SRCAP: variants seen among roughly 807,000 people sequenced by gnomAD.
SRCAP encodes the protein Snf2 related CREBBP activator protein.
Under a neutral mutation model 263.1 loss-of-function variants are expected in SRCAP, and 46 were observed. The observed-to-expected ratio is 0.17, with a 90% CI of 0.14 to 0.22. The LOEUF (loss-of-function observed/expected upper bound fraction) is 0.22, where lower values mean the gene tolerates loss of function less well. Among genes scored for constraint, SRCAP ranks in the 10% least tolerant of loss-of-function variants. The pLI is 1.00. For missense variants in SRCAP, 3,695 were observed against 4,181.9 expected (o/e 0.88, Z 3.21); for synonymous variants, 1,813 against 1,662.1 (o/e 1.09, Z -2.21).
At position 30,733,915 on chromosome 16, in the gene SRCAP, G is replaced by A. The variant is rs1382655101; in HGVS notation, c.6516G>A (p.Val2172=). 6.2e-7 allele frequency: 1 copy of A among 1,614,150 alleles called. No individual in the cohort carries two copies. The highest frequency in any genetic ancestry group is 1.7e-5 in the Admixed American group (1 of 60,020). The change falls in exon 30 of 34, where the codon GTG becomes GTA. Residue 2172 remains valine (V), a synonymous_variant. Transcript: ENST00000262518. The surrounding 1 kb of genome is among the most constrained non-coding windows in gnomAD (Gnocchi z 5.3). ...CTAGGCTTATCAGTGAACGGACAGT[G>A]GAGGAGAACATCCTAAAAAAGGCAA... ...HIYRLISERT[V]EENILKKANQ...
intron 18 of SRCAP, among the ~76,000 whole-genome samples, chr16:30,717,243 A>G (rs2052959861): frequency 6.6e-6 from 1 of 152,052 alleles, no homozygotes; most frequent in African/African-American, 2.4e-5. Flanking sequence ...CTCATTGGCC[A>G]CTTGTCTATA....
At position 30,724,600 on chromosome 16, in the gene SRCAP, C is replaced by G; in HGVS notation, c.5176C>G (p.Pro1726Ala). The G allele has an allele frequency of 6.2e-7, 1 of 1,614,184 alleles. No individual in the cohort carries two copies. Among genetic ancestry groups the G allele is most frequent in the Non-Finnish European group, 8.5e-7 (1 of 1,180,038 alleles). Residue 1726 changes from proline to alanine, a missense_variant, in exon 25 of 34, where the codon CCA (proline) becomes GCA (alanine). Transcript: ENST00000262518. ...ATTAACTCCAGCATCATCCCTGGTA[C>G]CAACTCCAGCCCAGACACTGTCTTT... The part of the protein sequence containing the change: ...LSLTPASSLV[P>A]TPAQTLSLAP...
intron 5 of SRCAP, 89 bp downstream of exon 5, chr16:30,707,457 G>T: frequency 6.2e-7 from 1 of 1,602,018 alleles, no homozygotes; most frequent in Non-Finnish European, 8.5e-7. Context: ...GAATGGTGTA[G>T]GCATTAAGAG....
intron 3 of SRCAP, among the ~76,000 whole-genome samples, chr16:30,702,877 C>T (rs1392169482): frequency 2.6e-5 from 4 of 151,772 alleles, no homozygotes; most frequent in African/African-American, 9.7e-5. Flanking sequence ...GTCCACCGAG[C>T]CCAGCTTCCA....
chr16:30,723,870 T>C lies in SRCAP; in HGVS notation c.4446T>C (p.Pro1482=). 1.2e-6 allele frequency: 2 copies of C among 1,614,132 alleles called. No homozygotes were observed. The highest frequency in any genetic ancestry group is 8.5e-7 in the Non-Finnish European group (1 of 1,180,016). The part of the protein sequence containing the change: ...LLTSVTPPLA[P]VVPAAPGPPS... ...CCAGTGTGACTCCACCATTGGCACC[T>C]GTTGTCCCAGCGGCTCCTGGACCTC... Residue 1482 remains proline (P), a synonymous_variant, in exon 25 of 34, where the codon CCT becomes CCC. Coordinates refer to ENST00000262518, the MANE Select transcript of SRCAP (RefSeq NM_006662.3).
intron 21 of SRCAP, among the ~76,000 whole-genome samples, 165 bp from the exon 22 acceptor site, chr16:30,721,957 T>C (rs2053015774): frequency 6.6e-6 from 1 of 152,118 alleles, no homozygotes; most frequent in Non-Finnish European, 1.5e-5. Context: ...CATGAAAAGC[T>C]CAAAGGCTGT....
rs1256266768 is a variant in SRCAP, at chr16:30,739,829, A to T, written c.*96A>T. Reference sequence around the variant, plus strand: ...CACTACTTGAAGTCTTGAGGGGGAAAGCCTCCAGGGAGACATAGGGGCCTT... The same window carrying T: ...CACTACTTGAAGTCTTGAGGGGGAATGCCTCCAGGGAGACATAGGGGCCTT... On this transcript the variant is annotated 3_prime_UTR_variant, in exon 34 of 34. Transcript: ENST00000262518. 7.1e-7 allele frequency: 1 copy of T among 1,418,158 alleles called. No homozygotes were observed. The highest frequency in any genetic ancestry group is 2.6e-5 in the East Asian group (1 of 37,858). The allele number at this position is 1,418,158 out of a possible 1,614,324, so 87.8% of individuals were successfully genotyped here.
At position 30,737,532 on chromosome 16, in the gene SRCAP, G is replaced by T. The variant is rs896385044; in HGVS notation, c.7492G>T (p.Ala2498Ser). The T allele has an allele frequency of 6.2e-7, 1 of 1,607,956 alleles. No homozygotes were observed. Among genetic ancestry groups the T allele is most frequent in the East Asian group, 2.2e-5 (1 of 44,838 alleles). ...ACAGATTCCTCCTTGTTCTTCTCCTGCCTGCACCCCTCCTCCTGCCTGTAC... is the reference window on the plus strand; with the variant it reads ...ACAGATTCCTCCTTGTTCTTCTCCTTCCTGCACCCCTCCTCCTGCCTGTAC... ...PSQIPPCSSP[A>S]CTPPPACTPP... Residue 2498 changes from alanine to serine, a missense_variant, in exon 34 of 34, where the codon GCC becomes TCC. Ala to Ser is a moderately conservative substitution (Grantham distance 99). This residue lies in a region of SRCAP where 1,207 missense variants were observed against 1,142.9 expected (regional missense o/e 1.06). Transcript: ENST00000262518.
rs766290034 is a variant in SRCAP at position 30,704,055 on chromosome 16, C to T, written c.55-9C>T. On this transcript the variant is annotated splice_polypyrimidine_tract_variant and intron_variant, in intron 3 of 33. Transcript: ENST00000262518. ...CATTTATTTTCTCCATCATTTTCCT[C>T]TTTTCTAGATGGTGTCGGACGGCAT... The T allele has an allele frequency of 8.1e-6, 13 of 1,602,714 alleles. No homozygotes were observed. In the Admixed American group the frequency reaches 1.7e-4, roughly 21 times the overall value.
chr16:30,721,303 GCTC>G lies in SRCAP; in HGVS notation c.3372_3374del (p.Ser1126del), dbSNP rs1349437567. ...CGCCTGAGCCCAGCCCCACCTCCAG[GCTC>G]CTCTAGCCTGTTGAAGCCCCTGACA... On this transcript the variant is annotated inframe_deletion, in exon 21 of 34. Coordinates refer to ENST00000262518, the MANE Select transcript of SRCAP (RefSeq NM_006662.3). 6 of 1,614,012 alleles carry G rather than the reference GCTC, an allele frequency of 3.7e-6. No homozygotes were observed. Among genetic ancestry groups the G allele is most frequent in the Non-Finnish European group, 5.1e-6 (6 of 1,180,038 alleles).
chr16:30,701,691 G>A (rs1346813341), intron 3 of SRCAP, among the ~76,000 whole-genome samples: 7 of 145,590 alleles, frequency 4.8e-5, no homozygotes, highest in African/African-American at 1.8e-4. Context: ...ATGCAATGGC[G>A]CGATCTCGGC....
intron 3 of SRCAP, among the ~76,000 whole-genome samples, chr16:30,703,587 T>G (rs1377237423): frequency 6.6e-6 from 1 of 151,924 alleles, no homozygotes; most frequent in Non-Finnish European, 1.5e-5. Context: ...TCTGCCATCT[T>G]GAGTCCCTTA....
At position 30,722,660 on chromosome 16, in the gene SRCAP, C is replaced by T. The variant is rs568394182; in HGVS notation, c.3804C>T (p.Gly1268=). 2.6e-5 allele frequency: 42 copies of T among 1,614,018 alleles called. No homozygotes were observed. In the South Asian group the frequency reaches 4.3e-4, roughly 16 times the overall value. Residue 1268 remains glycine, a synonymous_variant, in exon 23 of 34, where the codon GGC becomes GGT. Coordinates refer to ENST00000262518, the MANE Select transcript of SRCAP (RefSeq NM_006662.3). ...ALIQAVAPTP[G]PTPVSVLPSS... ...TCCAGGCCGTGGCCCCGACCCCTGGCCCTACCCCTGTCTCTGTGCTGCCTT... is the reference window on the plus strand; with the variant it reads ...TCCAGGCCGTGGCCCCGACCCCTGGTCCTACCCCTGTCTCTGTGCTGCCTT...
rs764895813 is a variant in SRCAP at position 30,710,860 on chromosome 16, C to T, written c.1228+13C>T. ...AACGAAGAGGAAGGTCAGGGCTGTT[C>T]GGTTTGTCCTATTGCCCCTTACCCC... On this transcript the variant is annotated intron_variant, in intron 9 of 33. Coordinates refer to ENST00000262518, the MANE Select transcript of SRCAP (RefSeq NM_006662.3). The T allele has an allele frequency of 2.2e-5, 35 of 1,613,724 alleles. No homozygotes were observed. Among genetic ancestry groups the T allele is most frequent in the East Asian group, 6.7e-5 (3 of 44,884 alleles).
chr16:30,722,777 C>G, intron 23 of SRCAP, 29 bp downstream of exon 23: 1 of 1,590,046 alleles, frequency 6.3e-7, no homozygotes, highest in African/African-American at 1.3e-5. Context: ...CTACTTAGCC[C>G]TTGCTGGCCT....
rs567769103 is a variant in SRCAP, at chr16:30,699,788, C to T, written c.-283-120C>T. 2.6e-5 allele frequency: 4 copies of T among 152,338 alleles called. No individual in the cohort carries two copies. The East Asian group carries it at 7.7e-4, about 29-fold the overall frequency. 9.4% of individuals were successfully genotyped at this position (152,338 alleles called of 1,614,324 possible). A position where few individuals can be genotyped will look rare whatever the true frequency, so the allele number is the denominator to read the frequency against. On this transcript the variant is annotated intron_variant, in intron 1 of 33. Coordinates refer to ENST00000262518, the MANE Select transcript of SRCAP (RefSeq NM_006662.3). ...TTCACAAAACATGATTTGCATTTCC[C>T]TGAAATGTGAGATTTTCCTACTACT...
At chr16:30,729,347 C>T (rs1370243341) in intron 26 of SRCAP, 23 bp from the exon 27 acceptor site, 10 of 1,613,464 alleles carry the variant, frequency 6.2e-6, no homozygotes, top group East Asian at 2.2e-5. Context: ...ATCTTTTACA[C>T]TGCCTGCTTC....
At position 30,711,829 on chromosome 16, in the gene SRCAP, CT is replaced by C. The variant is rs768350888; in HGVS notation, c.1493-3del. The C allele has an allele frequency of 1.5e-5, 25 of 1,613,706 alleles. 1 individual carries two copies. In the South Asian group the frequency reaches 2.7e-4, roughly 18 times the overall value. ...ATGAGCAGTAAGCCTTGGTCTTACC[CT>C]TTAGACTCTGTGGAGGACCGGAGTG... On this transcript the variant is annotated splice_region_variant and splice_polypyrimidine_tract_variant and intron_variant, in intron 11 of 33. Transcript: ENST00000262518.
Position 30,724,656 on chromosome 16 carries a change from G to A in SRCAP, c.5232G>A (p.Gln1744=). Residue 1744 remains glutamine, a synonymous_variant, in exon 25 of 34, where the codon CAG becomes CAA. Transcript: ENST00000262518. ...CAGGACCACCACTGGGTCCAACTCA[G>A]ACGCTGTCTCTGGCTCCAGCACCCC... ...LAPGPPLGPT[Q]TLSLAPAPPL... is the part of the protein sequence containing the mutation. The A allele has an allele frequency of 6.2e-7, 1 of 1,613,902 alleles. No homozygotes were observed. The highest frequency in any genetic ancestry group is 1.1e-5 in the South Asian group (1 of 91,056).
Sources: gnomAD v4.1 joint callset for allele counts (sites outside exome capture counted in the v4.1 genomes callset) on GRCh38, gnomAD v4.1.1 for gene constraint, gnomAD v4.1.1 regional missense constraint, Gnocchi (gnomAD v3.1) non-coding constraint, MANE v1.5 for transcripts, NCBI Gene and HGNC (gene_info 2026-07-23, HGNC 2026-07-21) for gene names.